PARP8: variants seen among roughly 807,000 people sequenced by gnomAD.
PARP8 encodes poly(ADP-ribose) polymerase family member 8, also known as protein mono-ADP-ribosyltransferase PARP8.
In PARP8, 51 loss-of-function variants were observed where a neutral mutation model predicts 124.1. The ratio of observed to expected loss-of-function variants is 0.41; its 90% CI spans 0.33 to 0.52. The LOEUF is 0.52. PARP8 is among the 20% of genes least tolerant of loss of function. The pLI is 0.21. For missense variants in PARP8, 860 were observed against 1,018.9 expected, an observed-to-expected ratio of 0.84 and a Z score of 2.12; for synonymous variants, 391 against 361.5, an observed-to-expected ratio of 1.08 and a Z score of -0.93.
chr5:50,804,673 T>TA (rs1282112347), intron 14 of PARP8, among the ~76,000 whole-genome samples: 1 of 152,104 alleles, frequency 6.6e-6, no homozygotes, highest in African/African-American at 2.4e-5. Context: ...TCCTAGAAAA[T>TA]ACAGCATTTG....
At chr5:50,687,210 T>C (rs1751965590) in intron 2 of PARP8, among the ~76,000 whole-genome samples, 1 of 152,142 alleles carries the variant, frequency 6.6e-6, no homozygotes, top group South Asian at 2.1e-4. Flanking sequence ...CCCTAAATCA[T>C]CTCTCTCAAG....
intron 9 of PARP8, 71 bp from the exon 10 acceptor site, chr5:50,788,452 A>G (rs1000209399): frequency 8.5e-6 from 12 of 1,414,716 alleles, no homozygotes; most frequent in East Asian, 4.6e-5. Flanking sequence ...TGCGATTTCA[A>G]CCTTTTTCTG....
At position 50,759,780 on chromosome 5, in the gene PARP8, T is replaced by G. The variant is rs201427990; in HGVS notation, c.274+48T>G. Reference sequence around the variant, plus strand: ...TACTAGGTTAATTTTTTAAATTGCATTATCTTTTTTTGTTTGTTTGTTTGT... The same window carrying G: ...TACTAGGTTAATTTTTTAAATTGCAGTATCTTTTTTTGTTTGTTTGTTTGT... On this transcript the variant is annotated intron_variant, in intron 4 of 25. Coordinates refer to ENST00000281631, the MANE Select transcript of PARP8 (RefSeq NM_024615.4). The G allele has an allele frequency of 1.1e-5, 17 of 1,512,508 alleles. No homozygotes were observed. In the African/African-American group the frequency reaches 1.9e-4, roughly 17 times the overall value. The allele number at this position is 1,512,508 out of a possible 1,614,324, so 93.7% of individuals were successfully genotyped here.
At chr5:50,756,043 C>G (rs1328454268) in intron 3 of PARP8, among the ~76,000 whole-genome samples, 5 of 152,152 alleles carry the variant, frequency 3.3e-5, no homozygotes, top group African/African-American at 1.2e-4. Context: ...TATCCTGAGA[C>G]TTTGCTGAAG....
At chr5:50,762,786 A>T (rs1760687941) in intron 6 of PARP8, among the ~76,000 whole-genome samples, 1 of 152,196 alleles carries the variant, frequency 6.6e-6, no homozygotes, top group Non-Finnish European at 1.5e-5. Context: ...ACATTTTAAC[A>T]TTATGCAAAA....
At chr5:50,774,917 C>T in intron 7 of PARP8, among the ~76,000 whole-genome samples, 1 of 135,628 alleles carries the variant, frequency 7.4e-6, no homozygotes. Flanking sequence ...CCCCACTTCC[C>T]AGATGGGGCG....
In PARP8 at chr5:50,773,787, C is replaced by A. The variant is rs75701067; in HGVS notation, c.519-4282C>A. Among the ~76,000 whole-genome samples the A allele has an allele frequency of 5.6e-3, 837 of 150,320 alleles. 7 individuals are homozygous for A. Among genetic ancestry groups the A allele is most frequent in the African/African-American group, 0.019 (784 of 40,848 alleles). On this transcript the variant is annotated intron_variant, in intron 7 of 25. Transcript: ENST00000281631. ...TAATATTCTTCCATCCATAAACAAG[C>A]AATTATCTTTTCATTTTTTGTGTCC... is the stretch of plus-strand genomic sequence containing the variant.
rs575181002 is a variant in PARP8, at chr5:50,839,660, C to T, written c.2463-2306C>T. On this transcript the variant is annotated intron_variant, in intron 25 of 25. Coordinates refer to ENST00000281631, the MANE Select transcript of PARP8 (RefSeq NM_024615.4). ...ATACTTTTAAGCATACTGTCTCTCT[C>T]TTTCTTTCTCTCTCTCTCTCTCTCT... Among the ~76,000 whole-genome samples, 7 of 65,116 alleles carry T rather than the reference C, an allele frequency of 1.1e-4. No homozygotes were observed. In the South Asian group the frequency reaches 3.4e-3, roughly 31 times the overall value. 42.7% of individuals were successfully genotyped at this position (65,116 alleles called of 152,430 possible).
intron 3 of PARP8, among the ~76,000 whole-genome samples, chr5:50,756,513 G>A (rs1759975791): frequency 6.6e-6 from 1 of 152,064 alleles, no homozygotes; most frequent in South Asian, 2.1e-4. Flanking sequence ...TCATACAGAT[G>A]GGATGATCAT....
intron 7 of PARP8, among the ~76,000 whole-genome samples, chr5:50,764,012 T>C (rs1760817977): frequency 6.6e-6 from 1 of 152,212 alleles, no homozygotes. Flanking sequence ...TAAGCCGTTC[T>C]TTGATCAAGG....
At chr5:50,740,828 A>G (rs568147098) in intron 2 of PARP8, among the ~76,000 whole-genome samples, 299 of 152,240 alleles carry the variant, frequency 2.0e-3, no homozygotes, top group Middle Eastern at 3.4e-3. Flanking sequence ...AAAAAAAAAA[A>G]AAAGATTATA....
intron 15 of PARP8, among the ~76,000 whole-genome samples, chr5:50,819,576 C>T (rs1056922378): frequency 4.6e-5 from 7 of 151,286 alleles, no homozygotes; most frequent in Non-Finnish European, 7.4e-5. Flanking sequence ...GAGTAGCTGG[C>T]GCTGCAGGCA....
rs185031272 is a variant in PARP8 at position 50,706,624 on chromosome 5, T to C, written c.146+38499T>C. 3.3e-4 allele frequency among the ~76,000 whole-genome samples: 50 copies of C among 152,268 alleles called. 1 individual carries two copies. The East Asian group carries it at 7.1e-3, about 22-fold the overall frequency. ...TTTGTTTTTGCATTTAAGACTATTT[T>C]CTCAGCATATTATACCTGTAATTGA... On this transcript the variant is annotated intron_variant, in intron 2 of 25. Transcript: ENST00000281631.
At chr5:50,814,995 A>T (rs1744938671) in intron 14 of PARP8, among the ~76,000 whole-genome samples, 2 of 152,050 alleles carry the variant, frequency 1.3e-5, no homozygotes, top group African/African-American at 2.4e-5. Context: ...TTTTTTTCCA[A>T]CAAAATTTCC....
At position 50,824,989 on chromosome 5, in the gene PARP8, G is replaced by A; in HGVS notation, c.1928+14G>A. On this transcript the variant is annotated intron_variant, in intron 18 of 25. Transcript: ENST00000281631. ...CTTACTGCAATGGTATAAAATTCTA[G>A]TTTTCCTCTTAATGAAAACAGCATC... The A allele has an allele frequency of 6.3e-7, 1 of 1,596,836 alleles. No homozygotes were observed. Among genetic ancestry groups the A allele is most frequent in the Middle Eastern group, 1.7e-4 (1 of 6,032 alleles).
At chr5:50,773,765 T>C (rs1761868135) in intron 7 of PARP8, among the ~76,000 whole-genome samples, 1 of 152,168 alleles carries the variant, frequency 6.6e-6, no homozygotes, top group Non-Finnish European at 1.5e-5. Context: ...GTTTTAATAA[T>C]ATTCTTCCAT....
At chr5:50,722,273 A>G (rs937684708) in intron 2 of PARP8, among the ~76,000 whole-genome samples, 8 of 152,102 alleles carry the variant, frequency 5.3e-5, no homozygotes, top group African/African-American at 1.7e-4. Context: ...AGAGTTTTTC[A>G]AGTAAATATT....
chr5:50,764,606 G>T (rs1320431841), intron 7 of PARP8, among the ~76,000 whole-genome samples: 10 of 152,212 alleles, frequency 6.6e-5, no homozygotes, highest in Non-Finnish European at 1.3e-4. Flanking sequence ...ACAATTGAGT[G>T]AAAGTGTTGG....
At chr5:50,750,632 AATG>A (rs1357964465) in intron 3 of PARP8, among the ~76,000 whole-genome samples, 1 of 152,132 alleles carries the variant, frequency 6.6e-6, no homozygotes, top group Non-Finnish European at 1.5e-5. Flanking sequence ...GTATGGAGAT[AATG>A]TAAAACTTAC....
Sources: gnomAD v4.1 joint callset for allele counts (sites outside exome capture counted in the v4.1 genomes callset) on GRCh38, gnomAD v4.1.1 for gene constraint, MANE v1.5 for transcripts, NCBI Gene and HGNC (gene_info 2026-07-23, HGNC 2026-07-21) for gene names.